The following NRG3 variants were observed in gnomAD, a reference collection of about 807,000 sequenced individuals.
The protein encoded by NRG3 is neuregulin 3, also known as pro-neuregulin-3, membrane-bound isoform.
In NRG3, 31 loss-of-function variants were observed where a neutral mutation model predicts 66.9. The ratio of observed to expected loss-of-function variants is 0.46; its 90% confidence interval spans 0.35 to 0.63. The LOEUF (loss-of-function observed/expected upper bound fraction) is 0.63. Ranked by LOEUF, NRG3 falls within the 20% of genes least tolerant of loss-of-function variation. The pLI is 0.00. For synonymous variants in NRG3, 393 were observed against 359.4 expected (o/e 1.09, Z -1.06); for missense variants, 910 against 878.9 (o/e 1.04, Z -0.45).
At chr10:82,362,548 G>GTTTTTTTTTTTT (rs10694679) in intron 2 of NRG3, among the ~76,000 whole-genome samples, 1,899 of 83,032 alleles carry the variant, frequency 0.023, 257 homozygotes, top group East Asian at 0.12. Flanking sequence ...TAATTTCTGG[G>GTTTTTTTTTTTT]TTTTTTTTTT....
At chr10:82,552,489 ATAAC>A (rs1184836313) in intron 2 of NRG3, among the ~76,000 whole-genome samples, 7 of 152,160 alleles carry the variant, frequency 4.6e-5, no homozygotes, top group African/African-American at 1.7e-4. Flanking sequence ...GTATTGACTG[ATAAC>A]TTTTTTGAGT....
At chr10:82,006,500 TTC>T in intron 1 of NRG3, among the ~76,000 whole-genome samples, 1 of 152,220 alleles carries the variant, frequency 6.6e-6, no homozygotes, top group African/African-American at 2.4e-5. Context: ...CTTTTTTCTT[TTC>T]TGTTTCTATC....
At chr10:82,287,302 G>C (rs2079474980) in intron 1 of NRG3, among the ~76,000 whole-genome samples, 1 of 152,016 alleles carries the variant, frequency 6.6e-6, no homozygotes, top group Non-Finnish European at 1.5e-5. Context: ...GTTTTCGCCT[G>C]TGACTTGCCT....
At chr10:81,908,753 C>T (rs1408770047) in intron 1 of NRG3, among the ~76,000 whole-genome samples, 7 of 152,178 alleles carry the variant, frequency 4.6e-5, no homozygotes, top group African/African-American at 1.4e-4. Flanking sequence ...GGGGGTCAGA[C>T]AGCATGGTTT....
chr10:82,845,058 G>C (rs940642007), intron 3 of NRG3, among the ~76,000 whole-genome samples: 3 of 152,146 alleles, frequency 2.0e-5, no homozygotes, highest in Admixed American at 2.0e-4. Flanking sequence ...GGGAGGCTGA[G>C]GCAGGAGGAA....
Position 82,699,506 on chromosome 10 carries a change from G to A in NRG3, c.954-39071G>A, listed in dbSNP as rs928010682. ...AGCTGCATCCTTGTTTTATTGTCAA[G>A]CTAGCCTTAAGACCTCGTTCCTCCC... On this transcript the variant is annotated intron_variant, in intron 2 of 8. Coordinates refer to ENST00000372141, the MANE Select transcript of NRG3 (RefSeq NM_001010848.4). Among the ~76,000 whole-genome samples, 6 of 152,016 alleles carry A rather than the reference G, an allele frequency of 3.9e-5. 1 individual carries two copies. The highest frequency in any genetic ancestry group is 3.9e-4 in the Admixed American group (6 of 15,226).
chr10:82,802,906 C>T (rs923413721), intron 3 of NRG3, among the ~76,000 whole-genome samples: 1 of 152,132 alleles, frequency 6.6e-6, no homozygotes, highest in African/African-American at 2.4e-5. Context: ...AAATCCTGGG[C>T]TCAAATGATT....
intron 3 of NRG3, among the ~76,000 whole-genome samples, chr10:82,743,807 G>T (rs1164641864): frequency 6.6e-6 from 1 of 152,174 alleles, no homozygotes; most frequent in Non-Finnish European, 1.5e-5. Context: ...TTTTCCTGAA[G>T]ATTATTAACA....
rs531402496 is a variant in NRG3, at chr10:82,437,714, G to A, written c.953+78846G>A. Reference sequence around the variant, plus strand: ...TTGAGGTTGCTGATCCTTGGATGGGGTTTTTGTGGGGGCTTTTTGTTGTTG... The same window carrying A: ...TTGAGGTTGCTGATCCTTGGATGGGATTTTTGTGGGGGCTTTTTGTTGTTG... On this transcript the variant is annotated intron_variant, in intron 2 of 8. Coordinates refer to ENST00000372141, the MANE Select transcript of NRG3 (RefSeq NM_001010848.4). Among the ~76,000 whole-genome samples, 3 of 152,194 alleles carry A rather than the reference G, an allele frequency of 2.0e-5. No individual in the cohort carries two copies. In the East Asian group the frequency reaches 5.8e-4, roughly 30 times the overall value.
intron 2 of NRG3, among the ~76,000 whole-genome samples, chr10:82,527,709 GCTATCTC>G (rs1392332423): frequency 3.9e-4 from 59 of 152,250 alleles, no homozygotes; most frequent in Middle Eastern, 6.8e-3. Context: ...AGGTCATTAT[GCTATCTC>G]CTACTTTGTA....
chr10:82,084,502 A>ACTTTTTTTTTTTTTTTTTTTTT (rs11458166), intron 1 of NRG3, among the ~76,000 whole-genome samples: 1 of 145,340 alleles, frequency 6.9e-6, no homozygotes. Context: ...CATATATGAG[A>ACTTTTTTTTTTTTTTTTTTTTT]TTTTTTTTTT....
intron 4 of NRG3, among the ~76,000 whole-genome samples, chr10:82,904,320 T>C (rs570807959): frequency 6.6e-6 from 1 of 152,274 alleles, no homozygotes; most frequent in Admixed American, 6.5e-5. Flanking sequence ...TGGACACCCC[T>C]GGTGTAAGAG....
At chr10:82,614,201 G>T (rs1414218559) in intron 2 of NRG3, among the ~76,000 whole-genome samples, 2 of 152,132 alleles carry the variant, frequency 1.3e-5, no homozygotes, top group African/African-American at 4.8e-5. Flanking sequence ...CCCACCTGGG[G>T]CACTGTTACT....
chr10:82,858,265 C>G (rs2063917014), intron 3 of NRG3, among the ~76,000 whole-genome samples: 1 of 152,202 alleles, frequency 6.6e-6, no homozygotes, highest in African/African-American at 2.4e-5. Context: ...CCCTCAGCAA[C>G]TACAGCCAGA....
chr10:82,918,257 G>C (rs193144687), intron 4 of NRG3, among the ~76,000 whole-genome samples: 6 of 152,070 alleles, frequency 3.9e-5, no homozygotes, highest in African/African-American at 1.4e-4. Context: ...AGCATTCACA[G>C]AGGCAGTGAG....
Position 82,247,240 on chromosome 10 carries a change from A to C in NRG3, c.824-111499A>C, listed in dbSNP as rs61273207. On this transcript the variant is annotated intron_variant, in intron 1 of 8. Coordinates refer to ENST00000372141, the MANE Select transcript of NRG3 (RefSeq NM_001010848.4). ...ATCTTAGTTAATTTGGCTTATAACA[A>C]AGTGCCATAGAGTGGGTAGCTCATA... Among the ~76,000 whole-genome samples, 1,167 of 152,292 alleles carry C rather than the reference A, an allele frequency of 7.7e-3. 19 individuals are homozygous for C. Among genetic ancestry groups the C allele is most frequent in the African/African-American group, 0.027 (1,118 of 41,558 alleles).
chr10:82,204,838 G>T (rs1044586022), intron 1 of NRG3, among the ~76,000 whole-genome samples: 1 of 152,136 alleles, frequency 6.6e-6, no homozygotes, highest in African/African-American at 2.4e-5. Context: ...TTCTTGTGAT[G>T]CTATCATTTT....
chr10:82,776,882 T>C (rs1193966422), intron 3 of NRG3, among the ~76,000 whole-genome samples: 2 of 152,136 alleles, frequency 1.3e-5, no homozygotes, highest in African/African-American at 2.4e-5. Flanking sequence ...ATTCCCTTTA[T>C]ATGATTATGT....
chr10:82,822,061 C>T (rs543698145), intron 3 of NRG3, among the ~76,000 whole-genome samples: 1 of 152,184 alleles, frequency 6.6e-6, no homozygotes, highest in African/African-American at 2.4e-5. Flanking sequence ...TCAATGGAGA[C>T]CCACAGGACT....
Sources: allele counts gnomAD v4.1 joint callset (sites outside exome capture counted in the v4.1 genomes callset), GRCh38; gene constraint gnomAD v4.1.1; transcripts MANE v1.5; gene names NCBI Gene and HGNC (gene_info 2026-07-23, HGNC 2026-07-21).